The following DRC11 variants were observed in gnomAD, a reference collection of about 807,000 sequenced individuals.
DRC11 encodes IQ and AAA domain-containing protein 1.
At chr2:236,469,551 T>C in the DRC11 span, among the ~76,000 whole-genome samples, 2 of 152,354 alleles carry the variant, frequency 1.3e-5, no homozygotes, top group East Asian at 3.9e-4. This position sits in a 1 kb window ranked among gnomAD's most constrained non-coding sequence, Gnocchi z 5.8. Flanking sequence ...TCCCGGCTCC[T>C]TTAGTGCTGT....
chr2:236,385,136 C>G, the DRC11 span, among the ~76,000 whole-genome samples: 1 of 151,642 alleles, frequency 6.6e-6, no homozygotes, highest in South Asian at 2.1e-4. Flanking sequence ...ATTGACTTGG[C>G]GACGCGGGCT....
the DRC11 span, among the ~76,000 whole-genome samples, chr2:236,482,971 G>A: frequency 1.3e-5 from 2 of 151,894 alleles, no homozygotes; most frequent in Admixed American, 1.3e-4. The surrounding 1 kb of genome is among the most constrained non-coding windows in gnomAD (Gnocchi z 4.5). Context: ...TCACATTATT[G>A]GGCAACAGAT....
the DRC11 span, among the ~76,000 whole-genome samples, chr2:236,500,118 T>TGATGATGGC: frequency 0.053 from 7,915 of 150,326 alleles, 543 homozygotes; most frequent in African/African-American, 0.16. The surrounding 1 kb of genome is among the most constrained non-coding windows in gnomAD (Gnocchi z 6.3). Flanking sequence ...ATGATGATGA[T>TGATGATGGC]GGCGAAGGTA....
the DRC11 span, among the ~76,000 whole-genome samples, chr2:236,496,784 CAG>C: frequency 6.6e-6 from 1 of 152,160 alleles, no homozygotes; most frequent in Non-Finnish European, 1.5e-5. The surrounding 1 kb of genome is among the most constrained non-coding windows in gnomAD (Gnocchi z 6.3). Flanking sequence ...CAACAGGCTA[CAG>C]AGAGATTCCA....
At chr2:236,456,560 C>T in the DRC11 span, among the ~76,000 whole-genome samples, 1 of 152,214 alleles carries the variant, frequency 6.6e-6, no homozygotes. This position sits in a 1 kb window ranked among gnomAD's most constrained non-coding sequence, Gnocchi z 5.4. Flanking sequence ...GGCCACCTCA[C>T]TTCTGACTGA....
the DRC11 span, chr2:236,391,109 G>A: frequency 6.6e-6 from 1 of 152,092 alleles, no homozygotes; most frequent in Admixed American, 6.5e-5. The surrounding 1 kb of genome is among the most constrained non-coding windows in gnomAD (Gnocchi z 4.5). Context: ...TTTCATCTAT[G>A]GATGGTTATT....
the DRC11 span, chr2:236,497,112 C>A: frequency 7.3e-7 from 1 of 1,373,506 alleles, no homozygotes; most frequent in Non-Finnish European, 9.8e-7. This position sits in a 1 kb window ranked among gnomAD's most constrained non-coding sequence, Gnocchi z 5.1. Context: ...GGGTACATAT[C>A]TTATTTATAA....
chr2:236,484,258 T>G, the DRC11 span, among the ~76,000 whole-genome samples: 6 of 152,350 alleles, frequency 3.9e-5, no homozygotes, highest in East Asian at 1.2e-3. Context: ...TCAAATTGAC[T>G]ATTATTTGAT....
At chr2:236,467,214 T>C in the DRC11 span, among the ~76,000 whole-genome samples, 1 of 152,194 alleles carries the variant, frequency 6.6e-6, no homozygotes, top group East Asian at 1.9e-4. Context: ...AGAATTGCCT[T>C]CAACTCTTCA....
chr2:236,497,599 A>G, the DRC11 span: 1 of 720,164 alleles, frequency 1.4e-6, no homozygotes, highest in African/African-American at 1.8e-5. The surrounding 1 kb of genome is among the most constrained non-coding windows in gnomAD (Gnocchi z 5.1). Flanking sequence ...GTGTGAGCTA[A>G]GAATATAGTT....
At chr2:236,326,181 A>C in the DRC11 span, among the ~76,000 whole-genome samples, 1 of 152,224 alleles carries the variant, frequency 6.6e-6, no homozygotes, top group Non-Finnish European at 1.5e-5. Flanking sequence ...CTAGGAGTTT[A>C]TTAGTTAATA....
chr2:236,415,786 A>G, the DRC11 span, among the ~76,000 whole-genome samples: 1 of 152,224 alleles, frequency 6.6e-6, no homozygotes, highest in Non-Finnish European at 1.5e-5. This position sits in a 1 kb window ranked among gnomAD's most constrained non-coding sequence, Gnocchi z 5.7. Flanking sequence ...TGTAGCTGGT[A>G]ATTTCAGATT....
chr2:236,328,931 C>T, the DRC11 span, among the ~76,000 whole-genome samples: 6 of 152,180 alleles, frequency 3.9e-5, no homozygotes, highest in African/African-American at 4.8e-5. This position sits in a 1 kb window ranked among gnomAD's most constrained non-coding sequence, Gnocchi z 6.7. Context: ...AAACCTGGAA[C>T]GGGCCTCACT....
chr2:236,309,903 A>G, the DRC11 span, among the ~76,000 whole-genome samples: 1 of 152,176 alleles, frequency 6.6e-6, no homozygotes, highest in Non-Finnish European at 1.5e-5. The surrounding 1 kb of genome is among the most constrained non-coding windows in gnomAD (Gnocchi z 5.7). Context: ...AGTGACTGGC[A>G]TCTCTGCTTG....
At chr2:236,464,848 C>G in the DRC11 span, among the ~76,000 whole-genome samples, 1 of 152,176 alleles carries the variant, frequency 6.6e-6, no homozygotes, top group African/African-American at 2.4e-5. Context: ...ACCCCGCACT[C>G]TCTCTTTGGC....
chr2:236,452,427 C>A, the DRC11 span, among the ~76,000 whole-genome samples: 4 of 152,174 alleles, frequency 2.6e-5, no homozygotes, highest in Non-Finnish European at 4.4e-5. This position sits in a 1 kb window ranked among gnomAD's most constrained non-coding sequence, Gnocchi z 4.7. Flanking sequence ...CGGTCCCCCC[C>A]AAGTCATCCA....
At chr2:236,402,639 C>G in the DRC11 span, among the ~76,000 whole-genome samples, 3 of 152,154 alleles carry the variant, frequency 2.0e-5, no homozygotes, top group Non-Finnish European at 4.4e-5. The surrounding 1 kb of genome is among the most constrained non-coding windows in gnomAD (Gnocchi z 6.0). Context: ...AACCTGGACC[C>G]AGAAACACCA....
the DRC11 span, among the ~76,000 whole-genome samples, chr2:236,359,224 A>G: frequency 6.6e-6 from 1 of 151,630 alleles, no homozygotes; most frequent in Middle Eastern, 3.4e-3. The surrounding 1 kb of genome is among the most constrained non-coding windows in gnomAD (Gnocchi z 4.3). Flanking sequence ...TATATATACT[A>G]TATATATATA....
the DRC11 span, among the ~76,000 whole-genome samples, chr2:236,459,529 G>A: frequency 3.6e-3 from 216 of 59,416 alleles, 4 homozygotes; most frequent in Middle Eastern, 0.01. Context: ...ATGTATACAT[G>A]TATACGTATA....
Sources: allele counts gnomAD v4.1 joint callset (sites outside exome capture counted in the v4.1 genomes callset), GRCh38; gene constraint gnomAD v4.1.1; non-coding constraint Gnocchi (gnomAD v3.1); transcripts MANE v1.5; gene names NCBI Gene and HGNC (gene_info 2026-07-23, HGNC 2026-07-21).